The following LRMDA variants were observed in gnomAD, a reference collection of about 807,000 sequenced individuals.
LRMDA encodes the protein leucine rich melanocyte differentiation associated.
LRMDA carries 18 observed loss-of-function variants against 29.8 expected under a neutral mutation model. The ratio of observed to expected loss-of-function variants is 0.60; its 90% CI spans 0.42 to 0.90. The LOEUF is 0.90. Ranked by LOEUF, LRMDA falls within the 40% of genes least tolerant of loss-of-function variation. LRMDA has a pLI of 0.00. For missense variants in LRMDA, 273 were observed against 273.9 expected, an observed-to-expected ratio of 1.00 and a Z score of 0.02; for synonymous variants, 125 against 109.4, an observed-to-expected ratio of 1.14 and a Z score of -0.89.
At chr10:76,508,906 C>G (rs1842983728) in intron 6 of LRMDA, among the ~76,000 whole-genome samples, 1 of 152,158 alleles carries the variant, frequency 6.6e-6, no homozygotes, top group Non-Finnish European at 1.5e-5. Flanking sequence ...AAAGTTTGGT[C>G]TCCAGTGTCC....
intron 2 of LRMDA, among the ~76,000 whole-genome samples, chr10:75,912,668 TCTA>T (rs1377057440): frequency 1.3e-5 from 2 of 152,152 alleles, no homozygotes; most frequent in Non-Finnish European, 2.9e-5. Context: ...TAGGTAGAGT[TCTA>T]CTTATTGATG....
intron 6 of LRMDA, among the ~76,000 whole-genome samples, chr10:76,495,608 G>A (rs925230710): frequency 6.6e-6 from 1 of 151,876 alleles, no homozygotes; most frequent in Admixed American, 6.6e-5. Flanking sequence ...AGTATATTGA[G>A]TCTTCCAATT....
At chr10:75,726,506 T>G (rs1051113882) in intron 2 of LRMDA, among the ~76,000 whole-genome samples, 2 of 152,210 alleles carry the variant, frequency 1.3e-5, no homozygotes, top group Non-Finnish European at 2.9e-5. Flanking sequence ...TAACTTGTTA[T>G]GCCTGAGTGG....
chr10:75,522,213 A>T lies in LRMDA; in HGVS notation c.131+83719A>T, dbSNP rs549357285. ...TGAAGTAGATACTGCGACTATCCTG[A>T]GGTAGCAGGTGGAGACATTGAGGCA... On this transcript the variant is annotated intron_variant, in intron 2 of 6. Transcript: ENST00000611255. Among the ~76,000 whole-genome samples, 5 of 152,338 alleles carry T rather than the reference A, an allele frequency of 3.3e-5. No individual in the cohort carries two copies. In the East Asian group the frequency reaches 9.6e-4, roughly 29 times the overall value.
chr10:76,247,951 G>A (rs999802847), intron 5 of LRMDA, among the ~76,000 whole-genome samples: 1 of 152,150 alleles, frequency 6.6e-6, no homozygotes, highest in African/African-American at 2.4e-5. Flanking sequence ...AAGTCCAAGT[G>A]GAAGGGTATT....
At chr10:76,220,018 C>G (rs972589190) in intron 5 of LRMDA, among the ~76,000 whole-genome samples, 1 of 152,212 alleles carries the variant, frequency 6.6e-6, no homozygotes, top group African/African-American at 2.4e-5. Context: ...TGAATAACTA[C>G]TGGGTACTTA....
chr10:75,789,654 G>T (rs1843532570), intron 2 of LRMDA, among the ~76,000 whole-genome samples: 1 of 152,152 alleles, frequency 6.6e-6, no homozygotes, highest in African/African-American at 2.4e-5. Context: ...TCCTTTAGTT[G>T]TGGAACTTGA....
intron 6 of LRMDA, among the ~76,000 whole-genome samples, chr10:76,379,590 T>G (rs1388963528): frequency 6.6e-6 from 1 of 152,150 alleles, no homozygotes; most frequent in African/African-American, 2.4e-5. Context: ...CTGATTGTGC[T>G]TATTTGACTT....
intron 6 of LRMDA, among the ~76,000 whole-genome samples, chr10:76,533,540 C>G (rs1047731398): frequency 2.0e-5 from 3 of 152,156 alleles, no homozygotes; most frequent in African/African-American, 7.2e-5. Flanking sequence ...CTTGCAAACT[C>G]ATTGCTTTAA....
chr10:76,111,133 C>T (rs1238963718), intron 5 of LRMDA, among the ~76,000 whole-genome samples: 2 of 152,164 alleles, frequency 1.3e-5, no homozygotes, highest in Non-Finnish European at 2.9e-5. Flanking sequence ...TTATCACTTC[C>T]CCTGGGCAGC....
intron 5 of LRMDA, among the ~76,000 whole-genome samples, chr10:76,085,115 T>C (rs577196155): frequency 2.0e-5 from 3 of 152,256 alleles, no homozygotes; most frequent in African/African-American, 7.2e-5. Flanking sequence ...TTGTAAAGAA[T>C]ATGCTCATTA....
chr10:76,221,580 C>T (rs1265174409), intron 5 of LRMDA, among the ~76,000 whole-genome samples: 3 of 152,162 alleles, frequency 2.0e-5, no homozygotes, highest in Non-Finnish European at 4.4e-5. Context: ...AGGACCTCTT[C>T]AAGGAGAACT....
At chr10:76,473,460 C>G (rs1282961379) in intron 6 of LRMDA, among the ~76,000 whole-genome samples, 1 of 151,214 alleles carries the variant, frequency 6.6e-6, no homozygotes, top group Non-Finnish European at 1.5e-5. Context: ...GGAACAAGAC[C>G]AAGAAATCCA....
At chr10:75,649,140 A>G (rs755537335) in intron 2 of LRMDA, among the ~76,000 whole-genome samples, 20 of 152,150 alleles carry the variant, frequency 1.3e-4, no homozygotes, top group Non-Finnish European at 2.4e-4. Flanking sequence ...CCTAGCAACC[A>G]CAATTCTACT....
intron 6 of LRMDA, among the ~76,000 whole-genome samples, chr10:76,492,042 T>G (rs960564780): frequency 5.9e-5 from 9 of 152,090 alleles, no homozygotes; most frequent in African/African-American, 2.2e-4. Flanking sequence ...TTGTTTCTTT[T>G]AAAGTACTTG....
intron 2 of LRMDA, among the ~76,000 whole-genome samples, chr10:75,870,819 T>C (rs963307823): frequency 6.6e-6 from 1 of 152,192 alleles, no homozygotes; most frequent in Non-Finnish European, 1.5e-5. Flanking sequence ...CCTGTCTCCA[T>C]GCCGATGATT....
At chr10:76,196,963 G>A (rs1009571362) in intron 5 of LRMDA, among the ~76,000 whole-genome samples, 4 of 152,154 alleles carry the variant, frequency 2.6e-5, no homozygotes, top group African/African-American at 7.2e-5. Flanking sequence ...CTGTAAAATG[G>A]TCCTTTCTCT....
chr10:75,490,304 G>A (rs1468121483), intron 2 of LRMDA, among the ~76,000 whole-genome samples: 1 of 150,596 alleles, frequency 6.6e-6, no homozygotes, highest in East Asian at 2.0e-4. Context: ...TTTTGGCCAA[G>A]AATATGTATG....
intron 2 of LRMDA, among the ~76,000 whole-genome samples, chr10:75,983,202 T>A (rs1331322193): frequency 6.6e-6 from 1 of 152,218 alleles, no homozygotes; most frequent in Non-Finnish European, 1.5e-5. Flanking sequence ...GTTTTTACCA[T>A]GTGAAAGCAC....
Sources: allele counts gnomAD v4.1 joint callset (sites outside exome capture counted in the v4.1 genomes callset), GRCh38; gene constraint gnomAD v4.1.1; transcripts MANE v1.5; gene names NCBI Gene and HGNC (gene_info 2026-07-23, HGNC 2026-07-21).